PRAF2: variants seen among roughly 807,000 people sequenced by gnomAD.
PRAF2 encodes PRA1 domain family member 2.
In PRAF2, 5 loss-of-function variants were observed where a neutral mutation model predicts 9.7. The observed-to-expected ratio is 0.51, with a 90% CI of 0.27 to 1.08. The LOEUF (loss-of-function observed/expected upper bound fraction) is 1.08. Ranked by LOEUF, PRAF2 falls within the 50% of genes least tolerant of loss-of-function variation. PRAF2 has a pLI of 0.12. For synonymous variants in PRAF2, 61 were observed against 76.6 expected, an observed-to-expected ratio of 0.80 and a Z score of 1.06; for missense variants, 135 against 160.7, an observed-to-expected ratio of 0.84 and a Z score of 0.86.
intron 2 of PRAF2, 30 bp downstream of exon 2, chrX:49,072,403 C>G: frequency 8.5e-7 from 1 of 1,172,967 alleles, no homozygotes; most frequent in Non-Finnish European, 1.1e-6. Context: ...TGGCTGCTTT[C>G]CTGGCTATCT....
chrX:49,072,426 G>C lies in PRAF2; in HGVS notation c.397+7C>G, dbSNP rs1557083261. ...TTCCTGGCTATCTCGGGGTAGTGGA[G>C]ACTCACGAAGCACCGGCCCGGCGAT... On this transcript the variant is annotated splice_region_variant and intron_variant, in intron 2 of 2. Transcript: ENST00000553851. The C allele has an allele frequency of 1.7e-6, 2 of 1,185,533 alleles. No homozygotes were observed. Among genetic ancestry groups the C allele is most frequent in the Admixed American group, 2.4e-5 (1 of 41,363 alleles).
chrX:49,071,967 T>C lies in PRAF2; in HGVS notation c.439A>G (p.Asn147Asp), dbSNP rs782193539. The change falls in exon 3 of 3, where the codon AAC becomes GAC. Residue 147 changes from asparagine to aspartate, a missense_variant. Physicochemically the swap from Asn to Asp is conservative, Grantham distance 23. Transcript: ENST00000553851. ...CTCTCGATCTTGTTCTCAATCTTGTTCTTAAGGTTGCGCAGGCGCAACGAG... is the reference window on the plus strand; with the variant it reads ...CTCTCGATCTTGTTCTCAATCTTGTCCTTAAGGTTGCGCAGGCGCAACGAG... ...HASLRLRNLKNKIENKIESIG... is the reference protein window; with the variant it reads ...HASLRLRNLKDKIENKIESIG... 44 of 1,208,644 alleles carry C rather than the reference T, an allele frequency of 3.6e-5. 1 individual carries two copies. In the South Asian group the frequency reaches 7.4e-4, roughly 20 times the overall value.
chrX:49,071,531 G>T lies in PRAF2; in HGVS notation c.*338C>A. Reference sequence around the variant, plus strand: ...TTGCCCCAGGCCCCAGTTTGGGGATGAGCATGGAGAAGGGTGGATGGGAGT... The same window carrying T: ...TTGCCCCAGGCCCCAGTTTGGGGATTAGCATGGAGAAGGGTGGATGGGAGT... On this transcript the variant is annotated 3_prime_UTR_variant, in exon 3 of 3. Transcript: ENST00000553851. 1 of 148,160 alleles carries T rather than the reference G, an allele frequency of 6.7e-6. No individual in the cohort carries two copies. The highest frequency in any genetic ancestry group is 1.3e-5 in the Non-Finnish European group (1 of 76,690). 12.2% of individuals were successfully genotyped at this position (148,160 alleles called of 1,213,427 possible).
rs55864685 is a variant in PRAF2 at position 49,072,770 on chromosome X, C to A, written c.180-120G>T. 0.019 allele frequency: 12,903 copies of A among 684,840 alleles called. 1,132 individuals carry two copies. The African/African-American group carries it at 0.25, about 13-fold the overall frequency. 56.4% of individuals were successfully genotyped at this position (684,840 alleles called of 1,213,427 possible). A position where few individuals can be genotyped will look rare whatever the true frequency, so the allele number is the denominator to read the frequency against. ...CTCCGGACACTCCAGCCTGGCACAT[C>A]CTCCCACCAGCCCTATCTCCAGCAG... On this transcript the variant is annotated intron_variant, in intron 1 of 2. Transcript: ENST00000553851.
In PRAF2 at chrX:49,071,676, G is replaced by C. The variant is rs1304491017; in HGVS notation, c.*193C>G. 4 of 409,960 alleles carry C rather than the reference G, an allele frequency of 9.8e-6. No homozygotes were observed. Among genetic ancestry groups the C allele is most frequent in the Non-Finnish European group, 1.6e-5 (4 of 249,805 alleles). 33.8% of individuals were successfully genotyped at this position (409,960 alleles called of 1,213,427 possible). A position where few individuals can be genotyped will look rare whatever the true frequency, so the allele number is the denominator to read the frequency against. On this transcript the variant is annotated 3_prime_UTR_variant, in exon 3 of 3. Transcript: ENST00000553851. ...GGCTGGGGAAGACTCTTGTCCCTAG[G>C]TAATGGGGGCTGGGTGTGAGGGATA...
chrX:49,073,994 G>C lies in PRAF2; in HGVS notation c.-7C>G, dbSNP rs782731511. ...GCAGCCGCACCTCCGACATCCTGCC[G>C]GTTAATGTGGCTGGACCAGCCAGGA... is the stretch of plus-strand genomic sequence containing the variant. On this transcript the variant is annotated 5_prime_UTR_variant, in exon 1 of 3. Coordinates refer to ENST00000553851, the MANE Select transcript of PRAF2 (RefSeq NM_007213.3). 1 of 1,191,636 alleles carries C rather than the reference G, an allele frequency of 8.4e-7. No homozygotes were observed. Among genetic ancestry groups the C allele is most frequent in the African/African-American group, 1.8e-5 (1 of 57,122 alleles).
At chrX:49,072,153 T>A in intron 2 of PRAF2, 145 bp from the exon 3 acceptor site, 1 of 819,426 alleles carries the variant, frequency 1.2e-6, no homozygotes, top group Non-Finnish European at 1.7e-6. Flanking sequence ...CGTGGCCGAG[T>A]AATTGGCTTG....
In PRAF2 at chrX:49,071,762, G is replaced by T; in HGVS notation, c.*107C>A. 1.0e-6 allele frequency: 1 copy of T among 970,135 alleles called. No individual in the cohort carries two copies. The highest frequency in any genetic ancestry group is 1.4e-6 in the Non-Finnish European group (1 of 730,856). 80.0% of individuals were successfully genotyped at this position (970,135 alleles called of 1,213,427 possible). On this transcript the variant is annotated 3_prime_UTR_variant, in exon 3 of 3. Transcript: ENST00000553851. ...ACAGATGTCCTGTTTTGTTTGGGCA[G>T]GGGGCTCTAGGCTCCTGTTTTAAGT...
At chrX:49,073,686 A>G in intron 1 of PRAF2, 123 bp downstream of exon 1, 2 of 905,834 alleles carry the variant, frequency 2.2e-6, no homozygotes, top group Non-Finnish European at 1.5e-6. Context: ...GTCCATCTCT[A>G]CTGACTTCGC....
intron 2 of PRAF2, 149 bp downstream of exon 2, chrX:49,072,284 C>G (rs971231951): frequency 5.5e-6 from 4 of 725,102 alleles, no homozygotes; most frequent in Non-Finnish European, 8.1e-6. Context: ...GAAGGGGGAA[C>G]GAAGCCCGGG....
At position 49,071,680 on chromosome X, in the gene PRAF2, T is replaced by C; in HGVS notation, c.*189A>G. 2.4e-6 allele frequency: 1 copy of C among 412,099 alleles called. No homozygotes were observed. The allele number at this position is 412,099 out of a possible 1,213,427, so 34.0% of individuals were successfully genotyped here. A position where few individuals can be genotyped will look rare whatever the true frequency, so the allele number is the denominator to read the frequency against. On this transcript the variant is annotated 3_prime_UTR_variant, in exon 3 of 3. Coordinates refer to ENST00000553851, the MANE Select transcript of PRAF2 (RefSeq NM_007213.3). Reference sequence around the variant, plus strand: ...GGGGAAGACTCTTGTCCCTAGGTAATGGGGGCTGGGTGTGAGGGATATCTT... The same window carrying C: ...GGGGAAGACTCTTGTCCCTAGGTAACGGGGGCTGGGTGTGAGGGATATCTT...
In PRAF2 at chrX:49,071,788, G is replaced by T. The variant is rs373048557; in HGVS notation, c.*81C>A. 22 of 1,080,203 alleles carry T rather than the reference G, an allele frequency of 2.0e-5. No individual in the cohort carries two copies. The African/African-American group carries it at 2.1e-4, about 10-fold the overall frequency. 89.0% of individuals were successfully genotyped at this position (1,080,203 alleles called of 1,213,427 possible). On this transcript the variant is annotated 3_prime_UTR_variant, in exon 3 of 3. Coordinates refer to ENST00000553851, the MANE Select transcript of PRAF2 (RefSeq NM_007213.3). ...GGGGCTCTAGGCTCCTGTTTTAAGT[G>T]CTGGGAAAGGGCTCTGGGTCCCAAT...
chrX:49,073,951 C>T lies in PRAF2; in HGVS notation c.37G>A (p.Asp13Asn). ...CGCGCCGACCCCAGAACAAAGTCGT[C>T]CAGGGCGCGTAGCGGTGGCAGCCGC... ...EVRLPPLRALDDFVLGSARLA... is the reference protein window; with the variant it reads ...EVRLPPLRALNDFVLGSARLA... Residue 13 changes from aspartate (D) to asparagine (N), a missense_variant, in exon 1 of 3, where the codon GAC (aspartate) becomes AAC (asparagine). Asp to Asn is a conservative substitution (Grantham distance 23). Coordinates refer to ENST00000553851, the MANE Select transcript of PRAF2 (RefSeq NM_007213.3). 3.3e-6 allele frequency: 4 copies of T among 1,209,027 alleles called. No individual in the cohort carries two copies. The highest frequency in any genetic ancestry group is 4.5e-6 in the Non-Finnish European group (4 of 894,240).
chrX:49,072,991 C>T (rs1369834604), intron 1 of PRAF2, among the ~76,000 whole-genome samples: 1 of 111,059 alleles, frequency 9.0e-6, no homozygotes, highest in East Asian at 2.8e-4. Context: ...ATCAGCCTGC[C>T]CGCAAGCTCC....
intron 1 of PRAF2, 52 bp downstream of exon 1, chrX:49,073,757 T>C (rs782015271): frequency 8.4e-7 from 1 of 1,188,756 alleles, no homozygotes; most frequent in African/African-American, 1.8e-5. Context: ...CCTGTGGGTC[T>C]ACCCCCACGC....
In PRAF2 at chrX:49,073,213, C is replaced by T. The variant is rs1602535666; in HGVS notation, c.180-563G>A. On this transcript the variant is annotated intron_variant, in intron 1 of 2. Coordinates refer to ENST00000553851, the MANE Select transcript of PRAF2 (RefSeq NM_007213.3). Reference sequence around the variant, plus strand: ...CAAGTCCTTCCTCCAGATTCTCCATCCCTCTCTGGTCTCAGGCTTTCCAAC... The same window carrying T: ...CAAGTCCTTCCTCCAGATTCTCCATTCCTCTCTGGTCTCAGGCTTTCCAAC... Among the ~76,000 whole-genome samples the T allele has an allele frequency of 4.5e-5, 5 of 111,178 alleles. No homozygotes were observed. The Admixed American group carries it at 4.8e-4, about 11-fold the overall frequency.
chrX:49,072,487 A>G lies in PRAF2; in HGVS notation c.343T>C (p.Trp115Arg), dbSNP rs1569523315. 1 of 1,194,976 alleles carries G rather than the reference A, an allele frequency of 8.4e-7. No homozygotes were observed. Among genetic ancestry groups the G allele is most frequent in the East Asian group, 3.0e-5 (1 of 33,145 alleles). ...AAGGTGCAAGCGCCGCCCGCGACCC[A>G]GAGCACCAGGAGGCCGACGGCAAGC... ...AVLAVGLLVL[W>R]VAGGACTFLF... is the part of the protein sequence containing the mutation. Residue 115 changes from tryptophan to arginine, a missense_variant, in exon 2 of 3, where the codon TGG becomes CGG. Transcript: ENST00000553851.
chrX:49,073,707 C>T, intron 1 of PRAF2, 102 bp downstream of exon 1: 1 of 1,052,259 alleles, frequency 9.5e-7, no homozygotes, highest in Non-Finnish European at 1.3e-6. Context: ...CCTTCCCGGC[C>T]TTGCACCCCC....
intron 2 of PRAF2, 46 bp from the exon 3 acceptor site, chrX:49,072,054 C>T (rs781816088): frequency 4.7e-5 from 55 of 1,171,624 alleles, no homozygotes; most frequent in Non-Finnish European, 6.0e-5. Flanking sequence ...AGACCTCAGC[C>T]TGCAGCCAAC....
Sources: allele counts gnomAD v4.1 joint callset (sites outside exome capture counted in the v4.1 genomes callset), GRCh38; gene constraint gnomAD v4.1.1; transcripts MANE v1.5; gene names NCBI Gene and HGNC (gene_info 2026-07-23, HGNC 2026-07-21).